Variants in GSTA3 observed in about 807,000 individuals in gnomAD.
GSTA3 encodes glutathione S-transferase alpha 3.
In GSTA3, 16 loss-of-function variants were observed where a neutral mutation model predicts 23.1. That is an observed-to-expected ratio of 0.69 (90% confidence interval 0.47 to 1.05). The LOEUF is 1.05. Ranked by LOEUF, GSTA3 falls within the 50% of genes least tolerant of loss-of-function variation. GSTA3 has a pLI of 0.00. For synonymous variants in GSTA3, 122 were observed against 91.0 expected, an observed-to-expected ratio of 1.34 and a Z score of -1.94; for missense variants, 319 against 263.6, an observed-to-expected ratio of 1.21 and a Z score of -1.46.
chr6:52,902,740 C>T lies in GSTA3; in HGVS notation c.140-262G>A, dbSNP rs535903289. 3.9e-5 allele frequency among the ~76,000 whole-genome samples: 6 copies of T among 152,170 alleles called. No individual in the cohort carries two copies. The South Asian group carries it at 6.2e-4, about 16-fold the overall frequency. Reference sequence around the variant, plus strand: ...TAGTAGGTCCCTTGTATTTTACTTGCGTTGATTTATCGTCATGATATTTTA... The same window carrying T: ...TAGTAGGTCCCTTGTATTTTACTTGTGTTGATTTATCGTCATGATATTTTA... On this transcript the variant is annotated intron_variant, in intron 3 of 6. Transcript: ENST00000211122.
At chr6:52,908,248 A>G (rs886355080) in intron 1 of GSTA3, among the ~76,000 whole-genome samples, 1 of 151,666 alleles carries the variant, frequency 6.6e-6, no homozygotes, top group African/African-American at 2.4e-5. Flanking sequence ...AGGGCTGGGC[A>G]TGGTGGCTCA....
At chr6:52,905,500 T>C (rs976146201) in intron 2 of GSTA3, among the ~76,000 whole-genome samples, 1 of 152,110 alleles carries the variant, frequency 6.6e-6, no homozygotes, top group Non-Finnish European at 1.5e-5. Context: ...GTCCACTCAT[T>C]GTGATTAGTT....
Position 52,896,860 on chromosome 6 carries a change from C to G in GSTA3, c.615G>C (p.Lys205Asn), listed in dbSNP as rs1765458849. The G allele has an allele frequency of 6.2e-7, 1 of 1,614,114 alleles. No homozygotes were observed. Reference sequence around the variant, plus strand: ...CTAAAGCTTTTGCATCTGCGGGAGGCTTCCTTGGGCTGCCAGGCTGTAGAA... The same window carrying G: ...CTAAAGCTTTTGCATCTGCGGGAGGGTTCCTTGGGCTGCCAGGCTGTAGAA... ...KKFLQPGSPR[K>N]PPADAKALEE... is the part of the protein sequence containing the mutation. The change falls in exon 7 of 7, where the codon AAG becomes AAC. Residue 205 changes from lysine (K) to asparagine (N), a missense_variant. Coordinates refer to ENST00000211122, the MANE Select transcript of GSTA3 (RefSeq NM_000847.5).
chr6:52,905,020 A>G (rs1413403831), intron 2 of GSTA3, among the ~76,000 whole-genome samples: 4 of 152,228 alleles, frequency 2.6e-5, no homozygotes, highest in Non-Finnish European at 5.9e-5. Flanking sequence ...CACTGGCTGA[A>G]TATACTCAGT....
rs565880969 is a variant in GSTA3, at chr6:52,900,144, A to G, written c.273-69T>C. 5 of 1,380,794 alleles carry G rather than the reference A, an allele frequency of 3.6e-6. No individual in the cohort carries two copies. The Admixed American group carries it at 8.6e-5, about 24-fold the overall frequency. 85.5% of individuals were successfully genotyped at this position (1,380,794 alleles called of 1,614,324 possible). A position where few individuals can be genotyped will look rare whatever the true frequency, so the allele number is the denominator to read the frequency against. On this transcript the variant is annotated intron_variant, in intron 4 of 6. Coordinates refer to ENST00000211122, the MANE Select transcript of GSTA3 (RefSeq NM_000847.5). ...AGATTTTGTAGGTTTATAAAAACCT[A>G]AGAGAATAGAGGGTCAGATGGTGGT...
intron 1 of GSTA3, among the ~76,000 whole-genome samples, chr6:52,907,549 A>T (rs1390383993): frequency 6.6e-6 from 1 of 150,990 alleles, no homozygotes; most frequent in Non-Finnish European, 1.5e-5. Context: ...CACTATTCAC[A>T]ATAGCAAAGA....
chr6:52,898,643 C>G (rs1765549610), intron 5 of GSTA3, among the ~76,000 whole-genome samples: 1 of 152,158 alleles, frequency 6.6e-6, no homozygotes, highest in Admixed American at 6.5e-5. Flanking sequence ...TGTTCTATCT[C>G]CCTGGGATCT....
At chr6:52,897,433 C>T (rs1165869712) in intron 6 of GSTA3, among the ~76,000 whole-genome samples, 1 of 152,152 alleles carries the variant, frequency 6.6e-6, no homozygotes, top group African/African-American at 2.4e-5. Flanking sequence ...CCCACCCTGG[C>T]CAGAGCCTAA....
At chr6:52,904,686 C>A (rs958079918) in intron 2 of GSTA3, among the ~76,000 whole-genome samples, 30 of 152,114 alleles carry the variant, frequency 2.0e-4, no homozygotes, top group African/African-American at 5.3e-4. Context: ...TGGAGGAAAA[C>A]CCTCAGGCAG....
intron 5 of GSTA3, among the ~76,000 whole-genome samples, 159 bp from the exon 6 acceptor site, chr6:52,898,115 A>T (rs1390742374): frequency 1.3e-5 from 2 of 152,114 alleles, no homozygotes; most frequent in Non-Finnish European, 2.9e-5. Context: ...TGAGTGAGGG[A>T]GCAAGAATGT....
At chr6:52,897,375 TG>T (rs1765486100) in intron 6 of GSTA3, among the ~76,000 whole-genome samples, 1 of 152,200 alleles carries the variant, frequency 6.6e-6, no homozygotes, top group Admixed American at 6.5e-5. Context: ...GGCAGTGTGT[TG>T]GGTGTGCTGT....
intron 3 of GSTA3, among the ~76,000 whole-genome samples, 163 bp from the exon 4 acceptor site, chr6:52,902,641 T>C (rs1765731649): frequency 6.6e-6 from 1 of 152,246 alleles, no homozygotes; most frequent in Non-Finnish European, 1.5e-5. Flanking sequence ...TGCCTGTAGT[T>C]CTTTTTCTGA....
At chr6:52,909,461 T>C (rs1765996502) in intron 1 of GSTA3, among the ~76,000 whole-genome samples, 180 bp downstream of exon 1, 1 of 152,214 alleles carries the variant, frequency 6.6e-6, no homozygotes, top group Non-Finnish European at 1.5e-5. Context: ...TTGTTGAATA[T>C]TATTTTTCTT....
chr6:52,906,530 G>C (rs565883112), intron 1 of GSTA3, among the ~76,000 whole-genome samples: 2 of 152,294 alleles, frequency 1.3e-5, no homozygotes, highest in South Asian at 4.2e-4. Flanking sequence ...AAAGAACAAA[G>C]CTGGAGGCAT....
intron 4 of GSTA3, 85 bp from the exon 5 acceptor site, chr6:52,900,160 A>C: frequency 2.5e-6 from 3 of 1,178,822 alleles, no homozygotes; most frequent in Non-Finnish European, 3.6e-6. Flanking sequence ...ATAGAGGGTC[A>C]GATGGTGGTA....
rs747479160 is a variant in GSTA3, at chr6:52,897,926, C to T, written c.445G>A (p.Val149Ile). Reference sequence around the variant, plus strand: ...TCAGCCCGGCTCAGCTTGTTGCCAACAAGGTAGTCTTGTCCATGGCTCTGT... The same window carrying T: ...TCAGCCCGGCTCAGCTTGTTGCCAATAAGGTAGTCTTGTCCATGGCTCTGT... ...VLQSHGQDYL[V>I]GNKLSRADIS... is the part of the protein sequence containing the mutation. The change falls in exon 6 of 7, where the codon GTT becomes ATT. Residue 149 changes from valine to isoleucine, a missense_variant. Coordinates refer to ENST00000211122, the MANE Select transcript of GSTA3 (RefSeq NM_000847.5). The T allele has an allele frequency of 6.2e-7, 1 of 1,613,996 alleles. No individual in the cohort carries two copies. The highest frequency in any genetic ancestry group is 2.2e-5 in the East Asian group (1 of 44,872).
intron 1 of GSTA3, among the ~76,000 whole-genome samples, chr6:52,906,997 A>G (rs898912732): frequency 1.3e-5 from 2 of 148,808 alleles, no homozygotes; most frequent in Non-Finnish European, 3.0e-5. Context: ...TCTGCACAGC[A>G]AAAGAAACTA....
chr6:52,900,957 T>A (rs1314979214), intron 4 of GSTA3, among the ~76,000 whole-genome samples: 1 of 152,238 alleles, frequency 6.6e-6, no homozygotes, highest in Non-Finnish European at 1.5e-5. Context: ...CATGTGCTAT[T>A]GCCCAACTCT....
intron 4 of GSTA3, among the ~76,000 whole-genome samples, chr6:52,900,890 C>T (rs893213866): frequency 2.0e-5 from 3 of 152,262 alleles, no homozygotes; most frequent in Admixed American, 6.5e-5. Flanking sequence ...CACTTCTATG[C>T]CCAATATTAG....
Sources: gnomAD v4.1 joint callset for allele counts (sites outside exome capture counted in the v4.1 genomes callset) on GRCh38, gnomAD v4.1.1 for gene constraint, MANE v1.5 for transcripts, NCBI Gene and HGNC (gene_info 2026-07-23, HGNC 2026-07-21) for gene names.